The following HS3ST4 variants were observed in gnomAD, a reference collection of about 807,000 sequenced individuals.
The protein encoded by HS3ST4 is heparan sulfate glucosamine 3-O-sulfotransferase 4.
Under a neutral mutation model 29.2 loss-of-function variants are expected in HS3ST4, and 17 were observed. That is an observed-to-expected ratio of 0.58 (90% CI 0.40 to 0.87). The LOEUF (loss-of-function observed/expected upper bound fraction) is 0.87. Among genes scored for constraint, HS3ST4 ranks in the 40% least tolerant of loss-of-function variants. HS3ST4 has a pLI of 0.00. For missense variants in HS3ST4, 627 were observed against 634.5 expected (o/e 0.99, Z 0.13); for synonymous variants, 314 against 285.7 (o/e 1.10, Z -1.00).
At chr16:25,906,301 T>G (rs971010270) in intron 1 of HS3ST4, among the ~76,000 whole-genome samples, 1 of 152,204 alleles carries the variant, frequency 6.6e-6, no homozygotes, top group Non-Finnish European at 1.5e-5. Flanking sequence ...TAAGTTCTCC[T>G]GAAAAGTGCT....
chr16:25,928,189 C>T (rs747963842), intron 1 of HS3ST4, among the ~76,000 whole-genome samples: 6 of 150,970 alleles, frequency 4.0e-5, no homozygotes, highest in Non-Finnish European at 8.9e-5. Context: ...TAGCAAGACT[C>T]CATCTTTCCA....
chr16:25,738,155 C>T (rs544502351), intron 1 of HS3ST4, among the ~76,000 whole-genome samples: 4 of 152,282 alleles, frequency 2.6e-5, no homozygotes, highest in African/African-American at 7.2e-5. Context: ...CTACCCTCCT[C>T]GGCCTGCCCA....
intron 1 of HS3ST4, among the ~76,000 whole-genome samples, chr16:25,804,419 C>T (rs1034198245): frequency 6.6e-6 from 1 of 152,162 alleles, no homozygotes; most frequent in Non-Finnish European, 1.5e-5. Flanking sequence ...AGTCATTCTT[C>T]GTTTCCTTGA....
chr16:25,802,103 G>A (rs190350489), intron 1 of HS3ST4, among the ~76,000 whole-genome samples: 15 of 151,654 alleles, frequency 9.9e-5, no homozygotes, highest in Admixed American at 5.9e-4. Flanking sequence ...CAAACAACAT[G>A]AGACAGACAG....
intron 1 of HS3ST4, among the ~76,000 whole-genome samples, chr16:25,860,097 C>T (rs1967621613): frequency 6.6e-6 from 1 of 152,158 alleles, no homozygotes; most frequent in Admixed American, 6.5e-5. Flanking sequence ...CCGAAACCAT[C>T]CTCCTACCCC....
intron 1 of HS3ST4, among the ~76,000 whole-genome samples, chr16:25,925,831 G>T (rs1968396811): frequency 6.6e-6 from 1 of 152,056 alleles, no homozygotes; most frequent in African/African-American, 2.4e-5. Context: ...CATGCCTCGT[G>T]GCTTGACACT....
chr16:25,773,642 GA>G (rs1966844920), intron 1 of HS3ST4, among the ~76,000 whole-genome samples: 1 of 152,172 alleles, frequency 6.6e-6, no homozygotes, highest in Non-Finnish European at 1.5e-5. Context: ...GGCGATGCAG[GA>G]AAACAGGTTA....
intron 1 of HS3ST4, among the ~76,000 whole-genome samples, chr16:25,830,388 C>T (rs527345591): frequency 1.3e-4 from 20 of 152,242 alleles, no homozygotes; most frequent in South Asian, 4.2e-4. Flanking sequence ...AAGAATCATA[C>T]GATGTGTCCT....
At chr16:25,772,593 TG>T (rs1966843920) in intron 1 of HS3ST4, among the ~76,000 whole-genome samples, 1 of 152,194 alleles carries the variant, frequency 6.6e-6, no homozygotes, top group African/African-American at 2.4e-5. Context: ...TATCTTCTTA[TG>T]GGCTTTTATT....
chr16:26,076,499 A>G (rs1386089764), intron 1 of HS3ST4, among the ~76,000 whole-genome samples: 1 of 152,198 alleles, frequency 6.6e-6, no homozygotes, highest in Non-Finnish European at 1.5e-5. Flanking sequence ...CCAGCCAATG[A>G]GCATAAGGTG....
intron 1 of HS3ST4, among the ~76,000 whole-genome samples, chr16:25,968,209 A>G (rs1044851434): frequency 6.6e-6 from 1 of 152,288 alleles, no homozygotes; most frequent in East Asian, 1.9e-4. Flanking sequence ...CTGGCCTGAG[A>G]CTTGTTCTTC....
chr16:25,745,554 C>T (rs1966679942), intron 1 of HS3ST4, among the ~76,000 whole-genome samples: 2 of 152,120 alleles, frequency 1.3e-5, no homozygotes, highest in African/African-American at 4.8e-5. Flanking sequence ...CAATAACATT[C>T]ACAAAATTTA....
In HS3ST4 at chr16:25,928,368, T is replaced by TA. The variant is rs1968430467; in HGVS notation, c.735-207238dup. ...CAACAGAGCGAGACCCCATCTCTAT[T>TA]AAAAAATAAAATAGAAGGAAACATG... On this transcript the variant is annotated intron_variant, in intron 1 of 1. Transcript: ENST00000331351. Among the ~76,000 whole-genome samples the TA allele has an allele frequency of 2.1e-5, 3 of 142,064 alleles. No individual in the cohort carries two copies. The Admixed American group carries it at 2.2e-4, about 11-fold the overall frequency. 93.2% of individuals were successfully genotyped at this position (142,064 alleles called of 152,430 possible). A position where few individuals can be genotyped will look rare whatever the true frequency, so the allele number is the denominator to read the frequency against.
At chr16:26,061,354 G>T (rs1054854903) in intron 1 of HS3ST4, among the ~76,000 whole-genome samples, 3 of 152,168 alleles carry the variant, frequency 2.0e-5, no homozygotes, top group Non-Finnish European at 2.9e-5. Flanking sequence ...TGAACGGCGT[G>T]GTCCTGGCTT....
At chr16:26,082,836 CA>C (rs766347860) in intron 1 of HS3ST4, among the ~76,000 whole-genome samples, 1 of 152,168 alleles carries the variant, frequency 6.6e-6, no homozygotes, top group Non-Finnish European at 1.5e-5. Flanking sequence ...TGCATCTTAC[CA>C]AGTGCATTGT....
chr16:25,956,540 T>A (rs1026134075), intron 1 of HS3ST4, among the ~76,000 whole-genome samples: 1 of 152,216 alleles, frequency 6.6e-6, no homozygotes, highest in African/African-American at 2.4e-5. Context: ...TCCAGTGATA[T>A]GATCTTATAC....
intron 1 of HS3ST4, among the ~76,000 whole-genome samples, chr16:25,728,010 T>C (rs780638357): frequency 1.3e-5 from 2 of 152,178 alleles, no homozygotes; most frequent in Non-Finnish European, 2.9e-5. Flanking sequence ...TATTAATATA[T>C]AGATTTTTTG....
chr16:25,692,402 C>G lies in HS3ST4; in HGVS notation c.-16C>G, dbSNP rs1966258076. ...GCTGCCGCCGCCGCCGCCGCCGCCGCGAGCCGGGAGCCGCGATGGCCCGGT... is the reference window on the plus strand; with the variant it reads ...GCTGCCGCCGCCGCCGCCGCCGCCGGGAGCCGGGAGCCGCGATGGCCCGGT... On this transcript the variant is annotated 5_prime_UTR_variant, in exon 1 of 2. Coordinates refer to ENST00000331351, the MANE Select transcript of HS3ST4 (RefSeq NM_006040.3). The G allele has an allele frequency of 1.1e-6, 1 of 885,380 alleles. No homozygotes were observed. The highest frequency in any genetic ancestry group is 1.4e-6 in the Non-Finnish European group (1 of 719,990). 54.8% of individuals were successfully genotyped at this position (885,380 alleles called of 1,614,324 possible).
At chr16:25,988,924 A>C (rs962005343) in intron 1 of HS3ST4, among the ~76,000 whole-genome samples, 1 of 152,226 alleles carries the variant, frequency 6.6e-6, no homozygotes, top group Admixed American at 6.5e-5. Context: ...ATTTTTAAAA[A>C]GCGTTAGAAG....
Sources: allele counts gnomAD v4.1 joint callset (sites outside exome capture counted in the v4.1 genomes callset), GRCh38; gene constraint gnomAD v4.1.1; transcripts MANE v1.5; gene names NCBI Gene and HGNC (gene_info 2026-07-23, HGNC 2026-07-21).